Variants in MAMLD1 observed in about 807,000 individuals in gnomAD.
MAMLD1 encodes mastermind like domain containing 1.
MAMLD1 carries 14 observed loss-of-function variants against 45.0 expected under a neutral mutation model. The observed-to-expected ratio is 0.31, with a 90% CI of 0.21 to 0.49. The LOEUF (loss-of-function observed/expected upper bound fraction) is 0.49, where lower values mean the gene tolerates loss of function less well. MAMLD1 is among the 20% of genes least tolerant of loss of function. The pLI, the probability that MAMLD1 is intolerant of heterozygous loss-of-function variation, is 0.99. For synonymous variants in MAMLD1, 254 were observed against 247.8 expected (o/e 1.02, Z -0.24); for missense variants, 543 against 603.6 (o/e 0.90, Z 1.05).
At chrX:150,495,184 C>T (rs1259825948) in intron 5 of MAMLD1, among the ~76,000 whole-genome samples, 2 of 101,232 alleles carry the variant, frequency 2.0e-5, no homozygotes, top group African/African-American at 3.6e-5. Context: ...CCAGCCTGGG[C>T]GACAGAGTGA....
intron 1 of MAMLD1, among the ~76,000 whole-genome samples, chrX:150,381,242 T>A (rs1448957293): frequency 1.8e-5 from 2 of 112,127 alleles, no homozygotes; most frequent in Non-Finnish European, 3.8e-5. Flanking sequence ...TTGAGATAAT[T>A]GTAGAGTCAC....
chrX:150,504,039 G>C (rs1258355452), intron 6 of MAMLD1: 2 of 752,636 alleles, frequency 2.7e-6, no homozygotes, highest in Non-Finnish European at 3.1e-6. Context: ...CCACACCCTA[G>C]AGGCAGGAAG....
intron 1 of MAMLD1, among the ~76,000 whole-genome samples, chrX:150,430,967 T>A (rs1254319198): frequency 8.9e-6 from 1 of 112,475 alleles, no homozygotes; most frequent in African/African-American, 3.2e-5. Context: ...ATCTTTTTTA[T>A]ATCTACAAAA....
intron 5 of MAMLD1, among the ~76,000 whole-genome samples, chrX:150,500,240 A>G (rs2037510989): frequency 8.9e-6 from 1 of 111,832 alleles, no homozygotes; most frequent in Non-Finnish European, 1.9e-5. Flanking sequence ...CCAGAGTACA[A>G]TCATGGAGAA....
chrX:150,397,482 A>G (rs1041054448), intron 1 of MAMLD1, among the ~76,000 whole-genome samples: 1 of 111,343 alleles, frequency 9.0e-6, no homozygotes, highest in South Asian at 3.7e-4. Flanking sequence ...TTTTTTGTAG[A>G]TAAGGTTTTA....
At chrX:150,463,303 A>G (rs897907351) in intron 3 of MAMLD1, among the ~76,000 whole-genome samples, 1 of 111,730 alleles carries the variant, frequency 9.0e-6, no homozygotes, top group Non-Finnish European at 1.9e-5. Context: ...GAACCTGGGA[A>G]TGTGTTTGGG....
Position 150,471,327 on chromosome X carries a change from C to G in MAMLD1, c.1754C>G (p.Thr585Ser). 2 of 1,211,495 alleles carry G rather than the reference C, an allele frequency of 1.7e-6. No homozygotes were observed. The highest frequency in any genetic ancestry group is 2.2e-6 in the Non-Finnish European group (2 of 895,424). The change falls in exon 4 of 8, where the codon ACT (threonine) becomes AGT (serine). Residue 585 changes from threonine to serine, a missense_variant. Thr to Ser is a moderately conservative substitution (Grantham distance 58). Transcript: ENST00000370401. ...QPTPTQASSA[T>S]ASSTATATLQ... ...ACACCAACGCAGGCCTCCTCAGCCA[C>G]TGCCTCCTCCACGGCCACTGCCACC... is the stretch of plus-strand genomic sequence containing the variant.
intron 2 of MAMLD1, among the ~76,000 whole-genome samples, chrX:150,460,669 A>C (rs1372034967): frequency 8.9e-6 from 1 of 111,958 alleles, no homozygotes; most frequent in Non-Finnish European, 1.9e-5. Context: ...CAGAAGTCTT[A>C]GAGATTATCT....
At chrX:150,397,233 T>C (rs1227411552) in intron 1 of MAMLD1, among the ~76,000 whole-genome samples, 2 of 111,883 alleles carry the variant, frequency 1.8e-5, no homozygotes, top group Non-Finnish European at 3.8e-5. Flanking sequence ...TGGAATTTAG[T>C]ATCAAATTGT....
chrX:150,400,692 C>T (rs1301787314), intron 1 of MAMLD1, among the ~76,000 whole-genome samples: 1 of 110,930 alleles, frequency 9.0e-6, no homozygotes, highest in Non-Finnish European at 1.9e-5. Flanking sequence ...TGTCAAAGGC[C>T]TTTTCTGCAT....
chrX:150,490,354 G>C (rs1385461916), intron 5 of MAMLD1, among the ~76,000 whole-genome samples: 2 of 112,374 alleles, frequency 1.8e-5, no homozygotes, highest in African/African-American at 6.5e-5. Flanking sequence ...TCAGTGTTTA[G>C]ATTGTTGTTT....
intron 6 of MAMLD1, among the ~76,000 whole-genome samples, chrX:150,507,503 G>A (rs980728140): frequency 2.7e-5 from 3 of 111,848 alleles, no homozygotes; most frequent in Admixed American, 1.9e-4. Context: ...GAGGACTGGC[G>A]GTGCCTCTGG....
At chrX:150,438,428 A>G (rs111426522) in intron 1 of MAMLD1, among the ~76,000 whole-genome samples, 8,341 of 112,089 alleles carry the variant, frequency 0.074, 296 homozygotes, top group East Asian at 0.14. Flanking sequence ...TCACAATGTT[A>G]TGCAACCATC....
chrX:150,469,152 A>C (rs782254213), intron 3 of MAMLD1, among the ~76,000 whole-genome samples: 1 of 112,703 alleles, frequency 8.9e-6, no homozygotes, highest in African/African-American at 3.2e-5. Context: ...ATTCAATTTT[A>C]CCACTGCAGC....
chrX:150,384,170 A>G (rs1477573394), intron 1 of MAMLD1, among the ~76,000 whole-genome samples: 2 of 112,125 alleles, frequency 1.8e-5, no homozygotes, highest in African/African-American at 6.5e-5. Flanking sequence ...CTCTATGTTT[A>G]GCATTTTGAG....
intron 1 of MAMLD1, among the ~76,000 whole-genome samples, chrX:150,402,654 A>G (rs1196139604): frequency 6.2e-5 from 7 of 112,074 alleles, no homozygotes; most frequent in Non-Finnish European, 1.1e-4. Context: ...TCAAAATAGC[A>G]AAGACTTGGA....
At chrX:150,365,636 C>G (rs1379202474) in intron 1 of MAMLD1, among the ~76,000 whole-genome samples, 1 of 113,229 alleles carries the variant, frequency 8.8e-6, no homozygotes, top group Non-Finnish European at 1.9e-5. Flanking sequence ...TTAGGCCACC[C>G]GCGTCTGGCT....
chrX:150,462,983 G>T, intron 3 of MAMLD1, 137 bp downstream of exon 3: 1 of 538,631 alleles, frequency 1.9e-6, no homozygotes, highest in Non-Finnish European at 3.3e-6. Context: ...GAAGTGAGAA[G>T]GTTGGGCTTA....
chrX:150,398,969 G>A (rs1248781434), intron 1 of MAMLD1, among the ~76,000 whole-genome samples: 1 of 112,140 alleles, frequency 8.9e-6, no homozygotes, highest in Non-Finnish European at 1.9e-5. Context: ...ACTTCCCTAA[G>A]CACCCTCTCT....
Sources: allele counts gnomAD v4.1 joint callset (sites outside exome capture counted in the v4.1 genomes callset), GRCh38; gene constraint gnomAD v4.1.1; transcripts MANE v1.5; gene names NCBI Gene and HGNC (gene_info 2026-07-23, HGNC 2026-07-21).